Variants in COL8A1 observed in about 807,000 individuals in gnomAD.
The protein encoded by COL8A1 is collagen alpha-1(VIII) chain.
A neutral mutation model predicts 42.7 loss-of-function variants in COL8A1; 21 were observed. The observed-to-expected ratio is 0.49, with a 90% confidence interval of 0.35 to 0.71. COL8A1 has a LOEUF of 0.71. COL8A1 is among the 30% of genes least tolerant of loss of function. COL8A1 has a pLI of 0.01. For synonymous variants in COL8A1, 367 were observed against 369.1 expected (o/e 0.99, Z 0.06); for missense variants, 788 against 962.4 (o/e 0.82, Z 2.40).
At chr3:99,772,063 A>T (rs1350686637) in intron 2 of COL8A1, among the ~76,000 whole-genome samples, 2 of 152,224 alleles carry the variant, frequency 1.3e-5, no homozygotes, top group Non-Finnish European at 2.9e-5. Context: ...TTAAGTCAGA[A>T]TTCCAGGAAG....
intron 1 of COL8A1, among the ~76,000 whole-genome samples, chr3:99,654,171 A>C (rs1220373244): frequency 6.6e-6 from 1 of 152,204 alleles, no homozygotes; most frequent in Non-Finnish European, 1.5e-5. Flanking sequence ...AGACTCAGCA[A>C]GTCTGCTCTT....
At chr3:99,765,066 A>C (rs1182064898) in intron 2 of COL8A1, among the ~76,000 whole-genome samples, 2 of 152,144 alleles carry the variant, frequency 1.3e-5, no homozygotes, top group Non-Finnish European at 2.9e-5. Flanking sequence ...TAACAGAAAA[A>C]AATAACAAAG....
At chr3:99,663,468 G>T (rs1938269321) in intron 1 of COL8A1, among the ~76,000 whole-genome samples, 2 of 152,032 alleles carry the variant, frequency 1.3e-5, no homozygotes, top group African/African-American at 2.4e-5. Flanking sequence ...AATACCAGTT[G>T]TTTGGGGATT....
At chr3:99,748,206 C>T (rs1941070755) in intron 2 of COL8A1, among the ~76,000 whole-genome samples, 1 of 152,200 alleles carries the variant, frequency 6.6e-6, no homozygotes, top group Admixed American at 6.5e-5. Flanking sequence ...TTTGTCTTTC[C>T]TCTACACCAC....
Position 99,731,762 on chromosome 3 carries a change from A to T in COL8A1, c.-128-13135A>T, listed in dbSNP as rs569982629. Among the ~76,000 whole-genome samples the T allele has an allele frequency of 3.3e-5, 5 of 152,304 alleles. No individual in the cohort carries two copies. In the South Asian group the frequency reaches 1.0e-3, roughly 32 times the overall value. On this transcript the variant is annotated intron_variant, in intron 1 of 3. Transcript: ENST00000652472. ...GTATAGAAACTGGACTATGGTAGAAACGGAGGTATCAAAGGAGCCAGAGTG... is the reference window on the plus strand; with the variant it reads ...GTATAGAAACTGGACTATGGTAGAATCGGAGGTATCAAAGGAGCCAGAGTG...
intron 1 of COL8A1, among the ~76,000 whole-genome samples, chr3:99,669,233 T>G (rs1235560040): frequency 7.2e-6 from 1 of 138,398 alleles, no homozygotes; most frequent in Non-Finnish European, 1.6e-5. Context: ...CCACATAAAT[T>G]TACAGTAAAA....
intron 1 of COL8A1, among the ~76,000 whole-genome samples, chr3:99,708,773 T>C (rs1939752874): frequency 6.6e-6 from 1 of 152,154 alleles, no homozygotes; most frequent in Non-Finnish European, 1.5e-5. Context: ...ATTTTGCTTA[T>C]AAAGGCATTT....
intron 1 of COL8A1, among the ~76,000 whole-genome samples, chr3:99,673,802 C>T (rs1356518741): frequency 6.6e-6 from 1 of 152,016 alleles, no homozygotes; most frequent in Non-Finnish European, 1.5e-5. Context: ...CCAATTACTA[C>T]TGATTGTGTG....
Position 99,769,844 on chromosome 3 carries a change from G to A in COL8A1, c.-3-20836G>A, listed in dbSNP as rs1941543299. Among the ~76,000 whole-genome samples the A allele has an allele frequency of 3.3e-5, 5 of 152,036 alleles. 1 individual carries two copies. The South Asian group carries it at 1.0e-3, about 31-fold the overall frequency. ...TGAGGCAGGAGAATTGCTTGAACCC[G>A]GGAGATGGAGGTTGCAGTGAGCTGA... On this transcript the variant is annotated intron_variant, in intron 2 of 3. Transcript: ENST00000652472.
chr3:99,724,967 T>G (rs1181888986), intron 1 of COL8A1, among the ~76,000 whole-genome samples: 1 of 152,112 alleles, frequency 6.6e-6, no homozygotes, highest in Non-Finnish European at 1.5e-5. Context: ...TTACGTGATC[T>G]TAAATATAAT....
intron 1 of COL8A1, among the ~76,000 whole-genome samples, chr3:99,697,233 G>T (rs897950358): frequency 2.0e-5 from 3 of 151,780 alleles, no homozygotes; most frequent in African/African-American, 7.3e-5. Flanking sequence ...TGATCCGCCC[G>T]CCTCGGCCTC....
At chr3:99,745,835 A>G (rs1003662187) in intron 2 of COL8A1, among the ~76,000 whole-genome samples, 11 of 151,622 alleles carry the variant, frequency 7.3e-5, no homozygotes, top group African/African-American at 2.7e-4. Flanking sequence ...CTTGATGGAA[A>G]AAAAAAAAAC....
At chr3:99,739,544 C>G (rs1227967099) in intron 1 of COL8A1, among the ~76,000 whole-genome samples, 3 of 152,198 alleles carry the variant, frequency 2.0e-5, no homozygotes, top group African/African-American at 7.2e-5. Context: ...TCTCAAACCA[C>G]AATTCTTGAC....
intron 1 of COL8A1, among the ~76,000 whole-genome samples, chr3:99,649,362 G>C (rs1247266713): frequency 6.6e-6 from 1 of 151,976 alleles, no homozygotes; most frequent in African/African-American, 2.4e-5. Context: ...CATAATAAGG[G>C]CTTAATAAAT....
intron 1 of COL8A1, among the ~76,000 whole-genome samples, chr3:99,657,003 G>C (rs1938043096): frequency 6.6e-6 from 1 of 152,180 alleles, no homozygotes; most frequent in African/African-American, 2.4e-5. Flanking sequence ...TGGTTTTTCT[G>C]TACTTTCTTT....
intron 1 of COL8A1, among the ~76,000 whole-genome samples, chr3:99,742,657 G>C (rs976035378): frequency 1.3e-5 from 2 of 152,164 alleles, no homozygotes; most frequent in Non-Finnish European, 2.9e-5. Flanking sequence ...CTTAGTCTCA[G>C]GGTTGAAAAA....
rs34865022 is a variant in COL8A1, at chr3:99,696,976, A to ATTTT, written c.-128-47896_-128-47893dup. On this transcript the variant is annotated intron_variant, in intron 1 of 3. Transcript: ENST00000652472. Reference sequence around the variant, plus strand: ...TAATCCCCACCGGAAATATACACAAATTTTTTTTTTTTTTTTTTTTTTTTT... The same window carrying ATTTT: ...TAATCCCCACCGGAAATATACACAAATTTTTTTTTTTTTTTTTTTTTTTTTTTTT... Among the ~76,000 whole-genome samples, 423 of 88,046 alleles carry ATTTT rather than the reference A, an allele frequency of 4.8e-3. 18 individuals carry two copies. The highest frequency in any genetic ancestry group is 0.013 in the Admixed American group (88 of 6,562). 57.8% of individuals were successfully genotyped at this position (88,046 alleles called of 152,430 possible).
At chr3:99,739,109 C>T (rs1194661279) in intron 1 of COL8A1, among the ~76,000 whole-genome samples, 1 of 152,192 alleles carries the variant, frequency 6.6e-6, no homozygotes, top group Admixed American at 6.5e-5. Flanking sequence ...CACCCACTGA[C>T]CTGTGCCCAC....
chr3:99,659,232 C>T (rs1013554267), intron 1 of COL8A1, among the ~76,000 whole-genome samples: 8 of 152,150 alleles, frequency 5.3e-5, no homozygotes, highest in African/African-American at 1.9e-4. Flanking sequence ...CTAGCTGGCT[C>T]GTGGTTGGAC....
Sources: gnomAD v4.1 joint callset for allele counts (sites outside exome capture counted in the v4.1 genomes callset) on GRCh38, gnomAD v4.1.1 for gene constraint, MANE v1.5 for transcripts, NCBI Gene and HGNC (gene_info 2026-07-23, HGNC 2026-07-21) for gene names.